SH2B3: variants seen among roughly 807,000 people sequenced by gnomAD.
The protein encoded by SH2B3 is SH2B adaptor protein 3, also known as SH2B adapter protein 3.
A neutral mutation model predicts 51.9 loss-of-function variants in SH2B3; 43 were observed. The ratio of observed to expected loss-of-function variants is 0.83; its 90% CI spans 0.65 to 1.07. The LOEUF (loss-of-function observed/expected upper bound fraction) is 1.07. Among genes scored for constraint, SH2B3 ranks in the 50% least tolerant of loss-of-function variants. The probability of loss-of-function intolerance (pLI) is 0.00; values close to 1 mark genes in which losing one functional copy is unlikely to be tolerated. For missense variants in SH2B3, 952 were observed against 834.3 expected, an observed-to-expected ratio of 1.14 and a Z score of -1.74; for synonymous variants, 396 against 376.0, an observed-to-expected ratio of 1.05 and a Z score of -0.62.
At chr12:111,420,706 G>C (rs949449900) in intron 2 of SH2B3, among the ~76,000 whole-genome samples, 11 of 152,172 alleles carry the variant, frequency 7.2e-5, no homozygotes, top group Admixed American at 2.0e-4. Flanking sequence ...TAGGTTCTGG[G>C]GGACCAGGCG....
Position 111,448,421 on chromosome 12 carries a change from C to A in SH2B3, c.*119C>A. The A allele has an allele frequency of 1.2e-6, 1 of 801,934 alleles. No individual in the cohort carries two copies. Among genetic ancestry groups the A allele is most frequent in the Non-Finnish European group, 2.0e-6 (1 of 511,672 alleles). 49.7% of individuals were successfully genotyped at this position (801,934 alleles called of 1,614,324 possible). A position where few individuals can be genotyped will look rare whatever the true frequency, so the allele number is the denominator to read the frequency against. ...AGAAAGATTTAAGGGACACTGTTAA[C>A]TGCTCGTGCCAGTTTGGAAGTGACC... On this transcript the variant is annotated 3_prime_UTR_variant, in exon 8 of 8. Coordinates refer to ENST00000341259, the MANE Select transcript of SH2B3 (RefSeq NM_005475.3).
At chr12:111,420,480 T>G (rs1013675552) in intron 2 of SH2B3, among the ~76,000 whole-genome samples, 1 of 152,168 alleles carries the variant, frequency 6.6e-6, no homozygotes, top group Non-Finnish European at 1.5e-5. Context: ...GGCTCCATCT[T>G]TGACTCAGGT....
At position 111,448,193 on chromosome 12, in the gene SH2B3, A is replaced by G. The variant is rs2135624381; in HGVS notation, c.1619A>G (p.Gln540Arg). 6.2e-7 allele frequency: 1 copy of G among 1,614,186 alleles called. No homozygotes were observed. Among genetic ancestry groups the G allele is most frequent in the Non-Finnish European group, 8.5e-7 (1 of 1,180,016 alleles). ...PSPEELANSL[Q>R]HLEHEPVNRA... ...CCCGAAGAACTGGCCAACAGCCTGC[A>G]GCACCTGGAGCATGAGCCTGTGAAT... The change falls in exon 8 of 8, where the codon CAG becomes CGG. Residue 540 changes from glutamine (Q) to arginine (R), a missense_variant. By Grantham distance (43) the Gln-to-Arg change is conservative. Coordinates refer to ENST00000341259, the MANE Select transcript of SH2B3 (RefSeq NM_005475.3).
In SH2B3 at chr12:111,407,904, ACT is replaced by A. The variant is rs534978949; in HGVS notation, c.-28+1630_-28+1631del. On this transcript the variant is annotated intron_variant, in intron 1 of 7. Transcript: ENST00000341259. This position sits in a 1 kb window ranked among gnomAD's most constrained non-coding sequence, Gnocchi z 4.3. The stretch of plus-strand genomic sequence containing the variant: ...GTTCAGCTGAAGGCGTGGGCAAGTG[ACT>A]CTGCCCTCAGTTTCCCTCTGTGTAA... Among the ~76,000 whole-genome samples the A allele has an allele frequency of 5.7e-4, 86 of 152,186 alleles. 1 individual carries two copies. The highest frequency in any genetic ancestry group is 1.9e-3 in the African/African-American group (78 of 41,502).
In SH2B3 at chr12:111,438,354, G is replaced by A. The variant is rs1397514981; in HGVS notation, c.733-8399G>A. ...GCTCCTGATGGTGCCCTTGCGGGGA[G>A]GTCAGGGGGCTGACACACCTGAGCC... On this transcript the variant is annotated intron_variant, in intron 2 of 7. Coordinates refer to ENST00000341259, the MANE Select transcript of SH2B3 (RefSeq NM_005475.3). This position sits in a 1 kb window ranked among gnomAD's most constrained non-coding sequence, Gnocchi z 4.2. Among the ~76,000 whole-genome samples, 1 of 152,100 alleles carries A rather than the reference G, an allele frequency of 6.6e-6. No homozygotes were observed. The highest frequency in any genetic ancestry group is 1.5e-5 in the Non-Finnish European group (1 of 68,002).
Position 111,418,161 on chromosome 12 carries a change from C to G in SH2B3, c.16C>G (p.Leu6Val), listed in dbSNP as rs760432654. The change falls in exon 2 of 8, where the codon CTG becomes GTG. Residue 6 changes from leucine to valine, a missense_variant. Physicochemically the swap from Leu to Val is conservative, Grantham distance 32. Transcript: ENST00000341259. This position sits in a 1 kb window ranked among gnomAD's most constrained non-coding sequence, Gnocchi z 6.7. The part of the protein sequence containing the change: MNGPA[L>V]QPSSPSSAPS... The stretch of plus-strand genomic sequence containing the variant: ...GGTCTCCGCCATGAACGGGCCTGCC[C>G]TGCAGCCCTCCTCGCCCTCTTCCGC... The G allele has an allele frequency of 6.5e-7, 1 of 1,534,952 alleles. No homozygotes were observed. The highest frequency in any genetic ancestry group is 2.0e-5 in the Admixed American group (1 of 49,446).
chr12:111,411,217 A>AC (rs1870671147), intron 1 of SH2B3, among the ~76,000 whole-genome samples: 1 of 151,684 alleles, frequency 6.6e-6, no homozygotes, highest in Non-Finnish European at 1.5e-5. Flanking sequence ...AAAAAAAAAA[A>AC]AAAACTGGGT....
intron 2 of SH2B3, among the ~76,000 whole-genome samples, chr12:111,441,860 T>C (rs1343877814): frequency 6.6e-6 from 1 of 152,150 alleles, no homozygotes. Context: ...CTCTTGTCTG[T>C]GTTGTAGCAG....
At chr12:111,417,997 C>A in intron 1 of SH2B3, 122 bp from the exon 2 acceptor site, 1 of 704,032 alleles carries the variant, frequency 1.4e-6, no homozygotes, top group Non-Finnish European at 2.2e-6. Flanking sequence ...CCTGCATCTT[C>A]ACCAGCACTG....
At chr12:111,441,662 A>G (rs1038105581) in intron 2 of SH2B3, among the ~76,000 whole-genome samples, 2 of 152,172 alleles carry the variant, frequency 1.3e-5, no homozygotes, top group African/African-American at 4.8e-5. Context: ...TGGGATGGTA[A>G]TAAGGTCTAT....
intron 2 of SH2B3, among the ~76,000 whole-genome samples, chr12:111,420,132 C>G (rs1871416627): frequency 6.6e-6 from 1 of 152,180 alleles, no homozygotes; most frequent in Non-Finnish European, 1.5e-5. Context: ...GAGAATTTCT[C>G]TGCACCTCCT....
At chr12:111,424,414 C>T (rs751619977) in intron 2 of SH2B3, among the ~76,000 whole-genome samples, 6 of 152,092 alleles carry the variant, frequency 3.9e-5, no homozygotes, top group African/African-American at 9.7e-5. Context: ...GTTTTGACTT[C>T]GGGCGGAGAG....
chr12:111,444,662 G>A, intron 2 of SH2B3: 3 of 883,974 alleles, frequency 3.4e-6, no homozygotes, highest in Non-Finnish European at 4.1e-6. Flanking sequence ...CAGCCCCCAG[G>A]TTTGAGCTTG....
chr12:111,418,391 A>C lies in SH2B3; in HGVS notation c.246A>C (p.Gly82=). ...ACTTCTGCCGCGAGGTGCGCGACGG[A>C]CGGGCGCCGGGCCGCGACTACCGGG... ...QRYFCREVRD[G]RAPGRDYRDT... The change falls in exon 2 of 8, where the codon GGA becomes GGC. Residue 82 remains glycine (G), a synonymous_variant. Coordinates refer to ENST00000341259, the MANE Select transcript of SH2B3 (RefSeq NM_005475.3). The surrounding 1 kb of genome is among the most constrained non-coding windows in gnomAD (Gnocchi z 6.7). The C allele has an allele frequency of 6.7e-7, 1 of 1,501,704 alleles. No individual in the cohort carries two copies. The highest frequency in any genetic ancestry group is 8.8e-7 in the Non-Finnish European group (1 of 1,131,546). The allele number at this position is 1,501,704 out of a possible 1,614,324, so 93.0% of individuals were successfully genotyped here.
rs1256603194 is a variant in SH2B3, at chr12:111,449,485, T to A, written c.*1183T>A. The A allele has an allele frequency of 6.6e-6, 1 of 152,242 alleles. No individual in the cohort carries two copies. The highest frequency in any genetic ancestry group is 2.4e-5 in the African/African-American group (1 of 41,442). The allele number at this position is 152,242 out of a possible 1,614,324, so 9.4% of individuals were successfully genotyped here. On this transcript the variant is annotated 3_prime_UTR_variant, in exon 8 of 8. Coordinates refer to ENST00000341259, the MANE Select transcript of SH2B3 (RefSeq NM_005475.3). ...CTAGCTGGCTACTGCTTCACTGGAT[T>A]GAGAATCTATCTATCTCCTTGCACA...
rs1395907389 is a variant in SH2B3, at chr12:111,446,731, G to A, written c.733-22G>A. ...AAAGAGCATCAGGAACAAGCCTTGA[G>A]TACCCCAACTTGGTCTCGTAGAGTT... is the stretch of plus-strand genomic sequence containing the variant. On this transcript the variant is annotated intron_variant, in intron 2 of 7. Coordinates refer to ENST00000341259, the MANE Select transcript of SH2B3 (RefSeq NM_005475.3). The A allele has an allele frequency of 7.7e-6, 11 of 1,422,242 alleles. No individual in the cohort carries two copies. In the South Asian group the frequency reaches 1.4e-4, roughly 18 times the overall value. 88.1% of individuals were successfully genotyped at this position (1,422,242 alleles called of 1,614,324 possible). A position where few individuals can be genotyped will look rare whatever the true frequency, so the allele number is the denominator to read the frequency against.
chr12:111,433,089 C>G (rs889954906), intron 2 of SH2B3, among the ~76,000 whole-genome samples: 2 of 152,288 alleles, frequency 1.3e-5, no homozygotes, highest in Admixed American at 6.5e-5. Flanking sequence ...CGGTGGCTAA[C>G]GCCAGTAATC....
intron 2 of SH2B3, among the ~76,000 whole-genome samples, chr12:111,421,061 C>T (rs1871512065): frequency 6.6e-6 from 1 of 152,220 alleles, no homozygotes; most frequent in Non-Finnish European, 1.5e-5. Flanking sequence ...CCCATACATA[C>T]CACCTCTTAT....
chr12:111,431,605 G>A (rs1423686840), intron 2 of SH2B3, among the ~76,000 whole-genome samples: 2 of 151,976 alleles, frequency 1.3e-5, no homozygotes, highest in African/African-American at 2.4e-5. Context: ...TTGAGACTGG[G>A]GGACACTGCT....
Sources: allele counts gnomAD v4.1 joint callset (sites outside exome capture counted in the v4.1 genomes callset), GRCh38; gene constraint gnomAD v4.1.1; non-coding constraint Gnocchi (gnomAD v3.1); transcripts MANE v1.5; gene names NCBI Gene and HGNC (gene_info 2026-07-23, HGNC 2026-07-21).